The following WDR12 variants were observed in gnomAD, a reference collection of about 807,000 sequenced individuals.
WDR12 encodes the protein ribosome biogenesis protein WDR12.
A neutral mutation model predicts 64.3 loss-of-function variants in WDR12; 42 were observed. The ratio of observed to expected loss-of-function variants is 0.65; its 90% CI spans 0.51 to 0.84. The LOEUF is 0.84. Among genes scored for constraint, WDR12 ranks in the 40% least tolerant of loss-of-function variants. WDR12 has a pLI of 0.00. For synonymous variants in WDR12, 158 were observed against 173.3 expected, an observed-to-expected ratio of 0.91 and a Z score of 0.70; for missense variants, 469 against 494.6, an observed-to-expected ratio of 0.95 and a Z score of 0.49.
intron 11 of WDR12, 118 bp from the exon 12 acceptor site, chr2:202,882,901 C>A: frequency 1.3e-6 from 1 of 796,258 alleles, no homozygotes; most frequent in Admixed American, 2.7e-5. Flanking sequence ...CCCCAATAAC[C>A]ACTTAATCTT....
intron 6 of WDR12, among the ~76,000 whole-genome samples, chr2:202,895,292 T>A (rs1688217648): frequency 6.6e-6 from 1 of 152,174 alleles, no homozygotes; most frequent in South Asian, 2.1e-4. Context: ...TCAGGTTTGT[T>A]ACCTTTTAAC....
intron 2 of WDR12, among the ~76,000 whole-genome samples, chr2:202,903,881 T>C (rs1015862649): frequency 3.3e-5 from 5 of 152,030 alleles, no homozygotes; most frequent in African/African-American, 1.2e-4. Context: ...CTCATGCCTG[T>C]AATCCCAGAA....
intron 3 of WDR12, 70 bp from the exon 4 acceptor site, chr2:202,899,707 C>T: frequency 7.3e-7 from 1 of 1,369,438 alleles, no homozygotes; most frequent in Non-Finnish European, 1.0e-6. Flanking sequence ...GAAGATAACC[C>T]CCAATTTAAT....
intron 7 of WDR12, 59 bp downstream of exon 7, chr2:202,894,522 C>T (rs1011289914): frequency 7.5e-6 from 11 of 1,473,386 alleles, no homozygotes; most frequent in African/African-American, 4.3e-5. Context: ...ATATAGCCTC[C>T]GAATTTAAAT....
intron 6 of WDR12, chr2:202,894,910 G>C (rs1390243183): frequency 7.6e-6 from 2 of 264,618 alleles, no homozygotes; most frequent in Non-Finnish European, 1.4e-5. Context: ...CCACATTCAA[G>C]CCTCTATTCC....
chr2:202,896,727 G>A (rs1241540247), intron 5 of WDR12, among the ~76,000 whole-genome samples: 4 of 151,964 alleles, frequency 2.6e-5, no homozygotes, highest in African/African-American at 7.3e-5. Flanking sequence ...AGTGGCTCAC[G>A]CCTGTAATCC....
chr2:202,889,251 G>A (rs1422912200), intron 8 of WDR12, among the ~76,000 whole-genome samples: 1 of 152,094 alleles, frequency 6.6e-6, no homozygotes, highest in Non-Finnish European at 1.5e-5. Flanking sequence ...GAAATAAATG[G>A]TATCAGCAAA....
intron 1 of WDR12, among the ~76,000 whole-genome samples, chr2:202,909,849 C>T: frequency 6.6e-6 from 1 of 151,940 alleles, no homozygotes. Context: ...GGCTGGAGTG[C>T]AGTTGCATTG....
chr2:202,884,571 T>C, intron 8 of WDR12, 36 bp from the exon 9 acceptor site: 7 of 1,584,194 alleles, frequency 4.4e-6, no homozygotes, highest in Non-Finnish European at 5.1e-6. Context: ...GAAAGTGTTT[T>C]CATTACAGAA....
chr2:202,888,573 T>C (rs1026216846), intron 8 of WDR12, among the ~76,000 whole-genome samples: 5 of 152,202 alleles, frequency 3.3e-5, no homozygotes, highest in African/African-American at 9.7e-5. Flanking sequence ...TATGTTAATA[T>C]ATCAAGCAAA....
chr2:202,882,934 C>G (rs996584459), intron 11 of WDR12, 151 bp from the exon 12 acceptor site: 4 of 580,794 alleles, frequency 6.9e-6, no homozygotes, highest in African/African-American at 5.7e-5. Context: ...ATTTGATCAT[C>G]TCTCCTCTTT....
chr2:202,908,762 T>C (rs1410143953), intron 1 of WDR12, among the ~76,000 whole-genome samples: 1 of 152,196 alleles, frequency 6.6e-6, no homozygotes, highest in Admixed American at 6.5e-5. Flanking sequence ...CAATGGGCAC[T>C]GAAATAGAGG....
At chr2:202,881,938 G>A (rs1459688307) in intron 12 of WDR12, among the ~76,000 whole-genome samples, 2 of 151,914 alleles carry the variant, frequency 1.3e-5, no homozygotes, top group Non-Finnish European at 2.9e-5. Context: ...ACTATTCCTA[G>A]TATTATTATT....
Position 202,883,613 on chromosome 2 carries a change from T to C in WDR12, c.1117A>G (p.Arg373Gly), listed in dbSNP as rs192463432. Residue 373 changes from arginine to glycine, a missense_variant, in exon 11 of 13, where the codon AGA becomes GGA. Arg to Gly is a moderately radical substitution (Grantham distance 125). Transcript: ENST00000261015. ...LDNIVKLWDT[R>G]SCKAPLYDLA... ...TAGATCATAAATAGAATTTACCTTC[T>C]TGTATCCCACAGCTTAACAATGTTA... 25 of 1,613,838 alleles carry C rather than the reference T, an allele frequency of 1.5e-5. No individual in the cohort carries two copies. Among genetic ancestry groups the C allele is most frequent in the Admixed American group, 1.7e-5 (1 of 59,962 alleles).
Position 202,911,556 on chromosome 2 carries a change from T to C in WDR12, c.-80A>G. On this transcript the variant is annotated 5_prime_UTR_variant, in exon 1 of 13. Transcript: ENST00000261015. The stretch of plus-strand genomic sequence containing the variant: ...ACACGAAGCTCCTGCCTTTTAAGAC[T>C]ACAAAGAGGCAGCTCAAAATTAGAC... 4 of 1,359,430 alleles carry C rather than the reference T, an allele frequency of 2.9e-6. No individual in the cohort carries two copies. Among genetic ancestry groups the C allele is most frequent in the South Asian group, 1.2e-5 (1 of 85,624 alleles). 84.2% of individuals were successfully genotyped at this position (1,359,430 alleles called of 1,614,324 possible).
chr2:202,911,404 G>A (rs756611667), intron 1 of WDR12, 32 bp downstream of exon 1: 2 of 1,611,374 alleles, frequency 1.2e-6, no homozygotes, highest in Admixed American at 1.7e-5. Flanking sequence ...AGGAACCTGG[G>A]GAAGGGAGAG....
At chr2:202,892,741 G>C (rs775473268) in intron 7 of WDR12, 39 bp from the exon 8 acceptor site, 24 of 1,454,578 alleles carry the variant, frequency 1.6e-5, no homozygotes, top group Non-Finnish European at 2.3e-5. Flanking sequence ...TTTAAAAACA[G>C]TATTAATCGT....
chr2:202,908,591 T>C (rs935505112), intron 1 of WDR12, among the ~76,000 whole-genome samples: 1 of 152,372 alleles, frequency 6.6e-6, no homozygotes, highest in Admixed American at 6.5e-5. Flanking sequence ...AAAATCTGAC[T>C]TTGCTCCAAA....
chr2:202,910,012 G>A (rs914014735), intron 1 of WDR12, among the ~76,000 whole-genome samples: 1 of 151,932 alleles, frequency 6.6e-6, no homozygotes, highest in African/African-American at 2.4e-5. Context: ...GCTCAGGCTG[G>A]TCTCAAACTC....
Sources: gnomAD v4.1 joint callset for allele counts (sites outside exome capture counted in the v4.1 genomes callset) on GRCh38, gnomAD v4.1.1 for gene constraint, MANE v1.5 for transcripts, NCBI Gene and HGNC (gene_info 2026-07-23, HGNC 2026-07-21) for gene names.